Variants in POU6F2 observed in about 807,000 individuals in gnomAD.
POU6F2 encodes the protein POU class 6 homeobox 2, also known as POU domain, class 6, transcription factor 2.
Under a neutral mutation model 71.3 loss-of-function variants are expected in POU6F2, and 31 were observed. That is an observed-to-expected ratio of 0.43 (90% confidence interval 0.33 to 0.59). POU6F2 has a LOEUF of 0.59. Ranked by LOEUF, POU6F2 falls within the 20% of genes least tolerant of loss-of-function variation. The pLI is 0.04. For missense variants in POU6F2, 783 were observed against 856.8 expected (o/e 0.91, Z 1.07); for synonymous variants, 347 against 355.7 (o/e 0.98, Z 0.27).
At chr7:39,340,375 T>G (rs1258936081) in intron 5 of POU6F2, among the ~76,000 whole-genome samples, 1 of 152,220 alleles carries the variant, frequency 6.6e-6, no homozygotes, top group Non-Finnish European at 1.5e-5. Flanking sequence ...AGCACAGTTT[T>G]GTAGCCCCAT....
chr7:39,179,514 C>T (rs1169652321), intron 2 of POU6F2, among the ~76,000 whole-genome samples: 3 of 152,082 alleles, frequency 2.0e-5, no homozygotes, highest in Non-Finnish European at 2.9e-5. Context: ...GGACTGAGAC[C>T]GCACGCGCGC....
At chr7:39,364,987 T>C (rs1369383368) in intron 5 of POU6F2, among the ~76,000 whole-genome samples, 1 of 152,222 alleles carries the variant, frequency 6.6e-6, no homozygotes, top group Non-Finnish European at 1.5e-5. Context: ...GGTATCACAC[T>C]GTGGTTTTGA....
chr7:39,311,165 G>A (rs1328099243), intron 4 of POU6F2, among the ~76,000 whole-genome samples: 1 of 151,718 alleles, frequency 6.6e-6, no homozygotes, highest in Non-Finnish European at 1.5e-5. Context: ...CAGAAACTCT[G>A]AGAGGCAAAG....
chr7:39,255,214 C>G (rs937311641), intron 4 of POU6F2, among the ~76,000 whole-genome samples: 1 of 152,050 alleles, frequency 6.6e-6, no homozygotes, highest in Non-Finnish European at 1.5e-5. Flanking sequence ...AATACAAGTG[C>G]CTTCTTAATG....
intron 2 of POU6F2, among the ~76,000 whole-genome samples, chr7:39,191,586 A>G (rs1004548415): frequency 2.0e-5 from 3 of 152,210 alleles, no homozygotes; most frequent in African/African-American, 7.2e-5. Context: ...AAATTGCTAC[A>G]CAATTGATAC....
At chr7:39,012,799 G>C (rs1290261182) in intron 1 of POU6F2, among the ~76,000 whole-genome samples, 1 of 150,838 alleles carries the variant, frequency 6.6e-6, no homozygotes, top group East Asian at 1.9e-4. Flanking sequence ...AGGTGTCAGT[G>C]TGCCCCTGCT....
chr7:39,437,602 T>A (rs1335937930), intron 7 of POU6F2, among the ~76,000 whole-genome samples: 1 of 152,084 alleles, frequency 6.6e-6, no homozygotes, highest in Non-Finnish European at 1.5e-5. Context: ...TTTGGAAGGG[T>A]TTTTCTTGTC....
At chr7:39,141,142 G>A (rs1792491162) in intron 2 of POU6F2, among the ~76,000 whole-genome samples, 1 of 152,178 alleles carries the variant, frequency 6.6e-6, no homozygotes, top group Admixed American at 6.5e-5. Context: ...CTGGCAAGAG[G>A]TGCAACTGTT....
chr7:39,384,042 A>G (rs1280059035), intron 5 of POU6F2, among the ~76,000 whole-genome samples: 1 of 152,250 alleles, frequency 6.6e-6, no homozygotes, highest in Non-Finnish European at 1.5e-5. Context: ...TGTGGTAAAC[A>G]AATCATTGAA....
chr7:39,250,700 C>T (rs114647039), intron 4 of POU6F2, among the ~76,000 whole-genome samples: 2,154 of 152,216 alleles, frequency 0.014, 55 homozygotes, highest in African/African-American at 0.048. Flanking sequence ...GCTTAGCCAC[C>T]GCTACTCTGC....
intron 2 of POU6F2, among the ~76,000 whole-genome samples, chr7:39,161,089 A>G (rs1792985896): frequency 6.6e-6 from 1 of 152,102 alleles, no homozygotes; most frequent in South Asian, 2.1e-4. Context: ...CCAATGCACA[A>G]GGGTAAGTAC....
chr7:39,260,226 A>G (rs1235080717), intron 4 of POU6F2, among the ~76,000 whole-genome samples: 1 of 149,292 alleles, frequency 6.7e-6, no homozygotes, highest in Middle Eastern at 3.2e-3. Context: ...CACTATACAC[A>G]TGCAATACAC....
At chr7:39,208,462 C>T (rs1794068964) in intron 4 of POU6F2, among the ~76,000 whole-genome samples, 1 of 152,076 alleles carries the variant, frequency 6.6e-6, no homozygotes, top group African/African-American at 2.4e-5. Flanking sequence ...AGAATGAGGG[C>T]CTGTCTGGGT....
intron 2 of POU6F2, among the ~76,000 whole-genome samples, chr7:39,167,164 G>A (rs774798894): frequency 6.6e-6 from 1 of 151,664 alleles, no homozygotes; most frequent in Admixed American, 6.6e-5. Context: ...TATCTATAAG[G>A]TATATTATAT....
At chr7:39,248,800 G>A (rs1416936272) in intron 4 of POU6F2, among the ~76,000 whole-genome samples, 3 of 152,150 alleles carry the variant, frequency 2.0e-5, no homozygotes, top group Non-Finnish European at 2.9e-5. Flanking sequence ...TACGTGTCAC[G>A]TGGGTGGTAG....
At chr7:39,105,844 C>T (rs936036272) in intron 2 of POU6F2, among the ~76,000 whole-genome samples, 1 of 152,146 alleles carries the variant, frequency 6.6e-6, no homozygotes, top group Non-Finnish European at 1.5e-5. Flanking sequence ...AATCAATATC[C>T]TCCAGCCCTC....
intron 1 of POU6F2, among the ~76,000 whole-genome samples, chr7:39,030,169 C>T (rs1218653584): frequency 6.6e-6 from 1 of 151,674 alleles, no homozygotes; most frequent in Non-Finnish European, 1.5e-5. Flanking sequence ...TATGTGAAGT[C>T]CTAAAATCAT....
intron 2 of POU6F2, among the ~76,000 whole-genome samples, chr7:39,113,091 C>T (rs368364654): frequency 6.6e-6 from 1 of 151,936 alleles, no homozygotes; most frequent in East Asian, 1.9e-4. Context: ...ATGAGAAAAA[C>T]TTTTGAAGTA....
At chr7:39,332,265 T>A in intron 4 of POU6F2, among the ~76,000 whole-genome samples, 1 of 152,172 alleles carries the variant, frequency 6.6e-6, no homozygotes, top group Non-Finnish European at 1.5e-5. Flanking sequence ...TTCTGCAGAT[T>A]TTTCCCCTTA....
Sources: gnomAD v4.1 joint callset for allele counts (sites outside exome capture counted in the v4.1 genomes callset) on GRCh38, gnomAD v4.1.1 for gene constraint, MANE v1.5 for transcripts, NCBI Gene and HGNC (gene_info 2026-07-23, HGNC 2026-07-21) for gene names.